Variants in AGBL1 observed in about 807,000 individuals in gnomAD.
AGBL1 encodes the protein cytosolic carboxypeptidase 4.
Under a neutral mutation model 118.9 loss-of-function variants are expected in AGBL1, and 130 were observed. The observed-to-expected ratio is 1.09, with a 90% confidence interval of 0.95 to 1.26. AGBL1 has a LOEUF of 1.26. Ranked by LOEUF, AGBL1 falls within the 50% of genes most tolerant of loss-of-function variation. The pLI, the probability that AGBL1 is intolerant of heterozygous loss-of-function variation, is 0.00. For synonymous variants in AGBL1, 555 were observed against 478.9 expected (o/e 1.16, Z -2.08); for missense variants, 1,584 against 1,298.1 (o/e 1.22, Z -3.38).
chr15:86,348,084 C>T (rs2080566330), intron 17 of AGBL1, among the ~76,000 whole-genome samples: 1 of 152,198 alleles, frequency 6.6e-6, no homozygotes, highest in Non-Finnish European at 1.5e-5. Context: ...TCTCTTTCAC[C>T]TCCCAGCTGG....
At chr15:86,605,595 G>T (rs2084563967) in intron 21 of AGBL1, among the ~76,000 whole-genome samples, 1 of 152,116 alleles carries the variant, frequency 6.6e-6, no homozygotes, top group African/African-American at 2.4e-5. Context: ...GATGTACCTG[G>T]TTCATTCTTA....
chr15:86,115,241 T>G (rs1158801244), intron 1 of AGBL1, among the ~76,000 whole-genome samples: 1 of 152,164 alleles, frequency 6.6e-6, no homozygotes, highest in Admixed American at 6.5e-5. Flanking sequence ...TACCATAAAG[T>G]CACAGTGGTG....
At chr15:86,279,599 C>T (rs1174719029) in intron 15 of AGBL1, 40 bp from the exon 16 acceptor site, 8 of 1,598,650 alleles carry the variant, frequency 5.0e-6, no homozygotes, top group Non-Finnish European at 6.9e-6. Context: ...CCCCTCCCAC[C>T]TCTCCCTTAT....
At chr15:86,981,367 C>T (rs1278968903) in intron 23 of AGBL1, among the ~76,000 whole-genome samples, 3 of 152,180 alleles carry the variant, frequency 2.0e-5, no homozygotes, top group Admixed American at 6.5e-5. Flanking sequence ...GTCTGTGCAA[C>T]ACCATGGTCA....
chr15:86,427,882 T>C (rs964109372), intron 18 of AGBL1, among the ~76,000 whole-genome samples: 1 of 152,202 alleles, frequency 6.6e-6, no homozygotes, highest in Non-Finnish European at 1.5e-5. Context: ...ACTGTGAACA[T>C]GATAGAAGTT....
intron 21 of AGBL1, among the ~76,000 whole-genome samples, chr15:86,645,377 G>A (rs1269160605): frequency 1.3e-5 from 2 of 152,204 alleles, no homozygotes; most frequent in African/African-American, 2.4e-5. Context: ...CAGCTTTTCT[G>A]TGGGGGCTGA....
intron 23 of AGBL1, among the ~76,000 whole-genome samples, chr15:86,946,855 A>C (rs1408829442): frequency 6.6e-6 from 1 of 151,448 alleles, no homozygotes; most frequent in African/African-American, 2.4e-5. Flanking sequence ...AAAAAAAAAA[A>C]AAAAAACAAA....
intron 22 of AGBL1, among the ~76,000 whole-genome samples, chr15:86,876,453 C>T (rs1173475318): frequency 6.6e-6 from 1 of 152,114 alleles, no homozygotes; most frequent in Non-Finnish European, 1.5e-5. Flanking sequence ...CTAGATGCTG[C>T]TGATAAAAGA....
chr15:86,631,844 G>A lies in AGBL1; in HGVS notation c.2995-42429G>A, dbSNP rs138714384. ...CTGCCTCCATCCCCTTTTGTTGATG[G>A]TTTCTTCCCTCTGTTCTCATTGGGT... On this transcript the variant is annotated intron_variant, in intron 21 of 22. Coordinates refer to ENST00000614907, the MANE Select transcript of AGBL1 (RefSeq NM_001386094.1). 1.7e-3 allele frequency among the ~76,000 whole-genome samples: 256 copies of A among 152,208 alleles called. 3 individuals carry two copies. In the East Asian group the frequency reaches 0.02, roughly 12 times the overall value.
At chr15:86,284,638 AGGAGTG>A (rs2079412486) in intron 16 of AGBL1, among the ~76,000 whole-genome samples, 1 of 152,232 alleles carries the variant, frequency 6.6e-6, no homozygotes, top group South Asian at 2.1e-4. Flanking sequence ...CCATCTCCTT[AGGAGTG>A]GGCTTTCTTC....
At chr15:86,667,585 T>C (rs1444304494) in intron 21 of AGBL1, among the ~76,000 whole-genome samples, 5 of 152,172 alleles carry the variant, frequency 3.3e-5, no homozygotes, top group Non-Finnish European at 5.9e-5. Context: ...CTTTTTTCTT[T>C]ATTTTCTTTA....
chr15:87,002,475 C>A (rs1417756787), intron 24 of AGBL1, among the ~76,000 whole-genome samples: 1 of 151,822 alleles, frequency 6.6e-6, no homozygotes, highest in Non-Finnish European at 1.5e-5. Flanking sequence ...TTTTTTGGTT[C>A]CATATGAACT....
intron 17 of AGBL1, among the ~76,000 whole-genome samples, chr15:86,381,475 G>A (rs552479242): frequency 1.1e-4 from 17 of 151,946 alleles, no homozygotes; most frequent in Admixed American, 2.0e-4. Flanking sequence ...CAGGAAGACT[G>A]GAAACTTAGG....
chr15:86,674,215 T>C (rs778932030), intron 21 of AGBL1, 58 bp from the exon 22 acceptor site: 1 of 1,496,668 alleles, frequency 6.7e-7, no homozygotes, highest in Middle Eastern at 1.7e-4. Context: ...AATTTCAAAG[T>C]GTCACCACTC....
chr15:86,079,677 G>A (rs1191539636), upstream of AGBL1: 6 of 280,098 alleles, frequency 2.1e-5, no homozygotes, highest in East Asian at 3.5e-4. Context: ...GCTCCTGCAT[G>A]GGCCTGGAGG....
intron 21 of AGBL1, among the ~76,000 whole-genome samples, chr15:86,641,534 C>T (rs1377624584): frequency 6.6e-6 from 1 of 151,972 alleles, no homozygotes; most frequent in Non-Finnish European, 1.5e-5. Context: ...TCATTTTTCT[C>T]CTGAATTTGT....
intron 22 of AGBL1, among the ~76,000 whole-genome samples, chr15:86,741,728 C>T (rs1454824576): frequency 6.6e-6 from 1 of 151,964 alleles, no homozygotes; most frequent in Non-Finnish European, 1.5e-5. Context: ...GAAAAAGATC[C>T]TTGGCTCCAG....
chr15:86,437,438 C>A (rs183457412), intron 18 of AGBL1, among the ~76,000 whole-genome samples: 2 of 152,266 alleles, frequency 1.3e-5, no homozygotes, highest in South Asian at 2.1e-4. Flanking sequence ...TTATTGAGCA[C>A]CATCATTTTA....
chr15:86,194,303 T>A (rs1158624680), intron 5 of AGBL1, among the ~76,000 whole-genome samples: 2 of 152,224 alleles, frequency 1.3e-5, no homozygotes, highest in Non-Finnish European at 2.9e-5. Flanking sequence ...ATCCTACTCA[T>A]TTATCAAGAT....
Sources: gnomAD v4.1 joint callset for allele counts (sites outside exome capture counted in the v4.1 genomes callset) on GRCh38, gnomAD v4.1.1 for gene constraint, MANE v1.5 for transcripts, NCBI Gene and HGNC (gene_info 2026-07-23, HGNC 2026-07-21) for gene names.